The following RBPJ variants were observed in gnomAD, a reference collection of about 807,000 sequenced individuals.
RBPJ encodes recombination signal binding protein for immunoglobulin kappa J region, also known as recombining binding protein suppressor of hairless.
A neutral mutation model predicts 67.8 loss-of-function variants in RBPJ; 9 were observed. The ratio of observed to expected loss-of-function variants is 0.13; its 90% confidence interval spans 0.08 to 0.23. The LOEUF is 0.23. Ranked by LOEUF, RBPJ falls within the 10% of genes least tolerant of loss-of-function variation. The probability of loss-of-function intolerance (pLI) is 1.00; values close to 1 mark genes in which losing one functional copy is unlikely to be tolerated. For missense variants in RBPJ, 305 were observed against 595.6 expected (o/e 0.51, Z 5.08); for synonymous variants, 198 against 203.3 (o/e 0.97, Z 0.22).
rs1719289115 is a variant in RBPJ, at chr4:26,231,629, C to G, written c.-167+68015C>G. On this transcript the variant is annotated intron_variant, in intron 1 of 4. Transcript: ENST00000512351. ...GTTTCACCATGTTGGCCAGGCTAGT[C>G]TCGAATGCCTGACCTCAAGTGATCT... Among the ~76,000 whole-genome samples the G allele has an allele frequency of 2.0e-5, 3 of 152,090 alleles. No individual in the cohort carries two copies. In the South Asian group the frequency reaches 6.2e-4, roughly 32 times the overall value.
upstream of RBPJ, chr4:26,320,589 G>C: frequency 1.4e-6 from 1 of 707,000 alleles, no homozygotes; most frequent in Non-Finnish European, 2.3e-6. Context: ...TTTCATCTAG[G>C]CCTGTGAAAC....
At chr4:26,350,188 G>C (rs922772970) in intron 1 of RBPJ, among the ~76,000 whole-genome samples, 8 of 152,218 alleles carry the variant, frequency 5.3e-5, no homozygotes, top group African/African-American at 1.9e-4. Context: ...TAAGAAGCCA[G>C]CAAAGACTAT....
intron 1 of RBPJ, among the ~76,000 whole-genome samples, chr4:26,247,079 T>G (rs1719954280): frequency 6.6e-6 from 1 of 151,724 alleles, no homozygotes; most frequent in Admixed American, 6.6e-5. Flanking sequence ...CTCAAGCAAT[T>G]AATATACTAT....
rs542365346 is a variant in RBPJ, at chr4:26,433,360, C to T, written c.*2353C>T. On this transcript the variant is annotated 3_prime_UTR_variant, in exon 11 of 11. Transcript: ENST00000355476. ...TAGTGCTGCTTTGCTTTAACGGCCA[C>T]AAGTTTCCTCCACTTCCTAGGTTTG... 3.3e-5 allele frequency: 5 copies of T among 152,290 alleles called. No homozygotes were observed. In the South Asian group the frequency reaches 1.0e-3, roughly 32 times the overall value. 9.4% of individuals were successfully genotyped at this position (152,290 alleles called of 1,614,324 possible).
chr4:26,257,451 G>C (rs1720377710), intron 1 of RBPJ, among the ~76,000 whole-genome samples: 1 of 152,194 alleles, frequency 6.6e-6, no homozygotes, highest in Non-Finnish European at 1.5e-5. Flanking sequence ...CCAACATGGA[G>C]AAACCCCATC....
chr4:26,326,136 TTG>T (rs1046270996), intron 1 of RBPJ, among the ~76,000 whole-genome samples: 1 of 152,118 alleles, frequency 6.6e-6, no homozygotes, highest in African/African-American at 2.4e-5. Context: ...AATTTTAAAA[TTG>T]TGTGTGTGCT....
intron 2 of RBPJ, among the ~76,000 whole-genome samples, chr4:26,403,891 G>T (rs1298521539): frequency 3.3e-5 from 5 of 152,050 alleles, no homozygotes; most frequent in African/African-American, 1.2e-4. Context: ...ATTCCTCTGG[G>T]TGTATACCCA....
intron 1 of RBPJ, among the ~76,000 whole-genome samples, chr4:26,341,615 A>G (rs1725536651): frequency 6.6e-6 from 1 of 150,848 alleles, no homozygotes; most frequent in African/African-American, 2.4e-5. Context: ...CTCCATCTCA[A>G]AACAAAACAA....
At chr4:26,377,896 C>T (rs1393197129) in intron 1 of RBPJ, among the ~76,000 whole-genome samples, 2 of 152,134 alleles carry the variant, frequency 1.3e-5, no homozygotes, top group Non-Finnish European at 2.9e-5. Context: ...ACTTCTTTGT[C>T]AAATTATATA....
chr4:26,227,338 G>A (rs1719109882), intron 1 of RBPJ, among the ~76,000 whole-genome samples: 2 of 152,166 alleles, frequency 1.3e-5, no homozygotes, highest in Non-Finnish European at 1.5e-5. Flanking sequence ...GTGGCAACCC[G>A]GCTAGTTGCC....
In RBPJ at chr4:26,270,427, A is replaced by AAGAAAG. The variant is rs1553855374; in HGVS notation, c.-166-92017_-166-92012dup. On this transcript the variant is annotated intron_variant, in intron 1 of 4. Transcript: ENST00000512351. The stretch of plus-strand genomic sequence containing the variant: ...AAAGAAAGAAAGAAAGAAAGAAAGA[A>AAGAAAG]AGAAAGAAAGAAGAAAGAAAGAAAG... Among the ~76,000 whole-genome samples, 209 of 60,224 alleles carry AAGAAAG rather than the reference A, an allele frequency of 3.5e-3. 11 individuals carry two copies. Among genetic ancestry groups the AAGAAAG allele is most frequent in the African/African-American group, 8.9e-3 (200 of 22,482 alleles). 39.5% of individuals were successfully genotyped at this position (60,224 alleles called of 152,430 possible). A position where few individuals can be genotyped will look rare whatever the true frequency, so the allele number is the denominator to read the frequency against.
At position 26,264,069 on chromosome 4, in the gene RBPJ, G is replaced by A. The variant is rs111436641; in HGVS notation, c.-166-98377G>A. On this transcript the variant is annotated intron_variant, in intron 1 of 4. Coordinates refer to the RBPJ transcript ENST00000512351. The surrounding 1 kb of genome is among the most constrained non-coding windows in gnomAD (Gnocchi z 4.1). ...TTTGTGTTTTTTTAGTAGAGACGGG[G>A]TTTCACTATGTTGGCCAGGCTGCAG... 0.034 allele frequency among the ~76,000 whole-genome samples: 5,141 copies of A among 151,330 alleles called. 202 individuals carry two copies. The highest frequency in any genetic ancestry group is 0.092 in the Middle Eastern group (27 of 294).
chr4:26,139,338 TAAA>T, the RBPJ span, among the ~76,000 whole-genome samples: 1 of 152,070 alleles, frequency 6.6e-6, no homozygotes, highest in East Asian at 1.9e-4. Context: ...TATTGGGTAC[TAAA>T]AAAAAGCTGG....
chr4:26,200,733 C>G (rs955161719), intron 1 of RBPJ, among the ~76,000 whole-genome samples: 11 of 152,060 alleles, frequency 7.2e-5, no homozygotes, highest in African/African-American at 2.7e-4. Flanking sequence ...GTAATAGGTG[C>G]CCACAAATCT....
intron 1 of RBPJ, among the ~76,000 whole-genome samples, chr4:26,253,865 T>G (rs781129452): frequency 2.0e-5 from 3 of 148,890 alleles, no homozygotes; most frequent in Non-Finnish European, 4.4e-5. Flanking sequence ...AATTGGGGTG[T>G]AATGAGGGTG....
chr4:26,280,604 G>A (rs924789175), intron 1 of RBPJ, among the ~76,000 whole-genome samples: 1 of 152,024 alleles, frequency 6.6e-6, no homozygotes, highest in African/African-American at 2.4e-5. Context: ...AAAAGCAAAT[G>A]GCTTGGAATA....
At chr4:26,380,736 G>T (rs1485180069) in intron 1 of RBPJ, among the ~76,000 whole-genome samples, 1 of 151,880 alleles carries the variant, frequency 6.6e-6, no homozygotes, top group Non-Finnish European at 1.5e-5. Context: ...GTAAAGTTTA[G>T]TTTAATTATG....
intron 1 of RBPJ, among the ~76,000 whole-genome samples, chr4:26,249,718 A>G (rs528199353): frequency 9.2e-5 from 14 of 152,018 alleles, no homozygotes; most frequent in African/African-American, 3.4e-4. Flanking sequence ...CAACCTAGTA[A>G]CTTTTTAAGT....
intron 1 of RBPJ, among the ~76,000 whole-genome samples, chr4:26,289,379 G>A (rs1314816572): frequency 2.2e-5 from 2 of 91,646 alleles, no homozygotes; most frequent in Admixed American, 2.6e-4. Flanking sequence ...AGTGAGACTT[G>A]GTCTCAAAAA....
Sources: gnomAD v4.1 joint callset for allele counts (sites outside exome capture counted in the v4.1 genomes callset) on GRCh38, gnomAD v4.1.1 for gene constraint, Gnocchi (gnomAD v3.1) non-coding constraint, MANE v1.5 for transcripts, NCBI Gene and HGNC (gene_info 2026-07-23, HGNC 2026-07-21) for gene names.